Variants in SH3GL2 observed in about 807,000 individuals in gnomAD.
The protein encoded by SH3GL2 is SH3 domain containing GRB2 like 2, endophilin A1.
A neutral mutation model predicts 46.0 loss-of-function variants in SH3GL2; 24 were observed. The ratio of observed to expected loss-of-function variants is 0.52; its 90% CI spans 0.38 to 0.73. SH3GL2 has a LOEUF of 0.73. SH3GL2 is among the 30% of genes least tolerant of loss of function. The probability of loss-of-function intolerance (pLI) is 0.00; values close to 1 mark genes in which losing one functional copy is unlikely to be tolerated. For synonymous variants in SH3GL2, 196 were observed against 147.1 expected, an observed-to-expected ratio of 1.33 and a Z score of -2.40; for missense variants, 413 against 424.2, an observed-to-expected ratio of 0.97 and a Z score of 0.23.
intron 1 of SH3GL2, among the ~76,000 whole-genome samples, chr9:17,596,723 A>G (rs1818578011): frequency 6.6e-6 from 1 of 152,244 alleles, no homozygotes; most frequent in African/African-American, 2.4e-5. Flanking sequence ...AAAGTTTAGG[A>G]AGCCATAAAT....
intron 1 of SH3GL2, among the ~76,000 whole-genome samples, chr9:17,716,008 T>C (rs1821748605): frequency 6.6e-6 from 1 of 152,116 alleles, no homozygotes; most frequent in Non-Finnish European, 1.5e-5. Context: ...TTTGCACTGT[T>C]GTAAATTTGA....
At chr9:17,641,537 C>G (rs1322070491) in intron 1 of SH3GL2, among the ~76,000 whole-genome samples, 1 of 152,086 alleles carries the variant, frequency 6.6e-6, no homozygotes. Flanking sequence ...GTTTGCTGCA[C>G]CCATCAACCC....
At chr9:17,731,445 G>C (rs1020611991) in intron 1 of SH3GL2, among the ~76,000 whole-genome samples, 1 of 151,476 alleles carries the variant, frequency 6.6e-6, no homozygotes, top group African/African-American at 2.4e-5. Context: ...GAAAGAGAGA[G>C]AGAGAGACAG....
intron 1 of SH3GL2, among the ~76,000 whole-genome samples, chr9:17,688,332 A>G (rs1411371605): frequency 1.3e-5 from 2 of 152,190 alleles, no homozygotes; most frequent in East Asian, 3.9e-4. Context: ...GCTTTGATCA[A>G]CGGTGAAAAA....
At chr9:17,701,422 A>G (rs893318346) in intron 1 of SH3GL2, among the ~76,000 whole-genome samples, 1 of 152,138 alleles carries the variant, frequency 6.6e-6, no homozygotes, top group African/African-American at 2.4e-5. Context: ...GGGTGAGGGT[A>G]GGACTTGAGT....
intron 1 of SH3GL2, among the ~76,000 whole-genome samples, chr9:17,712,197 C>T (rs1821643899): frequency 1.3e-5 from 2 of 151,780 alleles, no homozygotes; most frequent in Admixed American, 1.3e-4. Flanking sequence ...GAATTATTTA[C>T]ATACTGTGGA....
chr9:17,703,013 A>G (rs1415837439), intron 1 of SH3GL2, among the ~76,000 whole-genome samples: 1 of 152,054 alleles, frequency 6.6e-6, no homozygotes, highest in Non-Finnish European at 1.5e-5. Flanking sequence ...AAAATCGCTT[A>G]GGACTGCGAC....
chr9:17,753,168 C>T (rs1312660896), intron 2 of SH3GL2, among the ~76,000 whole-genome samples: 3 of 152,116 alleles, frequency 2.0e-5, no homozygotes, highest in Non-Finnish European at 4.4e-5. Context: ...GCAGTGAACA[C>T]ATGTGTGCAT....
chr9:17,657,632 A>G (rs144217423), intron 1 of SH3GL2, among the ~76,000 whole-genome samples: 8 of 152,372 alleles, frequency 5.3e-5, no homozygotes, highest in East Asian at 1.9e-4. Flanking sequence ...TGAGCTTTGT[A>G]TATAGGGAAA....
chr9:17,650,072 G>A (rs970303090), intron 1 of SH3GL2, among the ~76,000 whole-genome samples: 1 of 152,192 alleles, frequency 6.6e-6, no homozygotes, highest in Admixed American at 6.5e-5. Flanking sequence ...GGAGAGAGTA[G>A]AGTTGAGATC....
chr9:17,706,832 C>G (rs1821484914), intron 1 of SH3GL2, among the ~76,000 whole-genome samples: 2 of 151,906 alleles, frequency 1.3e-5, no homozygotes, highest in African/African-American at 4.8e-5. Context: ...AAATGGAATC[C>G]TCTTCTCACG....
chr9:17,707,591 G>A (rs1440378190), intron 1 of SH3GL2, among the ~76,000 whole-genome samples: 1 of 152,084 alleles, frequency 6.6e-6, no homozygotes, highest in African/African-American at 2.4e-5. Flanking sequence ...TTGTGAACTT[G>A]TGGTATTTGT....
intron 1 of SH3GL2, among the ~76,000 whole-genome samples, chr9:17,600,324 G>A (rs1818647412): frequency 6.6e-6 from 1 of 152,168 alleles, no homozygotes; most frequent in African/African-American, 2.4e-5. Flanking sequence ...AAAGGTAGGA[G>A]AAACTAAGAC....
At chr9:17,668,596 G>T (rs1251738534) in intron 1 of SH3GL2, among the ~76,000 whole-genome samples, 2 of 152,122 alleles carry the variant, frequency 1.3e-5, no homozygotes, top group Non-Finnish European at 2.9e-5. Context: ...ATTCACCCAT[G>T]TTTTCCCCTT....
At position 17,694,597 on chromosome 9, in the gene SH3GL2, C is replaced by G. The variant is rs7031005; in HGVS notation, c.46-52469C>G. Among the ~76,000 whole-genome samples, 823 of 152,196 alleles carry G rather than the reference C, an allele frequency of 5.4e-3. 15 individuals are homozygous for G. Among genetic ancestry groups the G allele is most frequent in the African/African-American group, 0.019 (801 of 41,528 alleles). ...TTCCCCTTCCACTGCAATACTAGAG[C>G]TGAAGACAGACAGGGAAAAGCAAGC... On this transcript the variant is annotated intron_variant, in intron 1 of 8. Transcript: ENST00000380607.
rs1004563384 is a variant in SH3GL2, at chr9:17,686,585, T to C, written c.46-60481T>C. ...CTGGATTGAGAAAATGTGGCACATA[T>C]ACACCATGGAATACTATGCAGCCAT... is the stretch of plus-strand genomic sequence containing the variant. On this transcript the variant is annotated intron_variant, in intron 1 of 8. Coordinates refer to ENST00000380607, the MANE Select transcript of SH3GL2 (RefSeq NM_003026.5). Among the ~76,000 whole-genome samples, 4 of 146,538 alleles carry C rather than the reference T, an allele frequency of 2.7e-5. No individual in the cohort carries two copies. In the East Asian group the frequency reaches 6.0e-4, roughly 22 times the overall value.
intron 1 of SH3GL2, among the ~76,000 whole-genome samples, chr9:17,737,258 A>G (rs1028588203): frequency 6.6e-6 from 1 of 152,092 alleles, no homozygotes; most frequent in South Asian, 2.1e-4. Context: ...TGTAGATGAC[A>G]GGTTGATGGG....
intron 1 of SH3GL2, among the ~76,000 whole-genome samples, chr9:17,611,363 G>T (rs10963161): frequency 1.3e-5 from 2 of 151,782 alleles, no homozygotes; most frequent in Non-Finnish European, 2.9e-5. Context: ...GAAATTGTTC[G>T]TGGAAGCTAA....
At chr9:17,760,796 C>T (rs1823147895) in intron 2 of SH3GL2, among the ~76,000 whole-genome samples, 1 of 152,144 alleles carries the variant, frequency 6.6e-6, no homozygotes, top group South Asian at 2.1e-4. Context: ...GAGCACCTTC[C>T]ATGACCTCTT....
Sources: allele counts gnomAD v4.1 joint callset (sites outside exome capture counted in the v4.1 genomes callset), GRCh38; gene constraint gnomAD v4.1.1; transcripts MANE v1.5; gene names NCBI Gene and HGNC (gene_info 2026-07-23, HGNC 2026-07-21).